DENND11: variants seen among roughly 807,000 people sequenced by gnomAD.
DENND11 encodes the protein DENN domain-containing protein 11.
A neutral mutation model predicts 49.2 loss-of-function variants in DENND11; 34 were observed. The ratio of observed to expected loss-of-function variants is 0.69; its 90% CI spans 0.53 to 0.92. The LOEUF is 0.92. Ranked by LOEUF, DENND11 falls within the 40% of genes least tolerant of loss-of-function variation. The pLI, the probability that DENND11 is intolerant of heterozygous loss-of-function variation, is 0.00. For missense variants in DENND11, 475 were observed against 581.6 expected (o/e 0.82, Z 1.88); for synonymous variants, 238 against 230.3 (o/e 1.03, Z -0.30).
At chr7:141,669,010 C>G (rs1026867100) in intron 4 of DENND11, among the ~76,000 whole-genome samples, 3 of 152,200 alleles carry the variant, frequency 2.0e-5, no homozygotes, top group Admixed American at 1.3e-4. Flanking sequence ...GTGTCCATAG[C>G]AGGCTCTGAT....
chr7:141,674,120 G>A lies in DENND11; in HGVS notation c.628C>T (p.Pro210Ser), dbSNP rs759658805. The A allele has an allele frequency of 1.3e-6, 2 of 1,598,906 alleles. No individual in the cohort carries two copies. Among genetic ancestry groups the A allele is most frequent in the Non-Finnish European group, 1.7e-6 (2 of 1,172,912 alleles). Residue 210 changes from proline (P) to serine (S), a missense_variant, in exon 4 of 9, where the codon CCC (proline) becomes TCC (serine). Transcript: ENST00000536163. Reference sequence around the variant, plus strand: ...ATGGAAGGCAGCCAGTAGACAGGGGGCAGGCTGCTGCCTCTGCCGGGACCA... The same window carrying A: ...ATGGAAGGCAGCCAGTAGACAGGGGACAGGCTGCTGCCTCTGCCGGGACCA... The part of the protein sequence containing the change: ...HAGPGRGSSL[P>S]PVYWLPSIHR...
chr7:141,664,385 A>G, intron 7 of DENND11, 145 bp from the exon 8 acceptor site: 1 of 628,990 alleles, frequency 1.6e-6, no homozygotes, highest in Non-Finnish European at 2.9e-6. Flanking sequence ...TTGGACTCAA[A>G]ATCCCTGGGG....
At chr7:141,678,479 T>G (rs1310779796) in intron 3 of DENND11, among the ~76,000 whole-genome samples, 1 of 152,182 alleles carries the variant, frequency 6.6e-6, no homozygotes, top group Non-Finnish European at 1.5e-5. Flanking sequence ...AACTTTTCAC[T>G]ATGAACATTT....
In DENND11 at chr7:141,674,304, C is replaced by T. The variant is rs1179024125; in HGVS notation, c.528-84G>A. 8 of 1,402,738 alleles carry T rather than the reference C, an allele frequency of 5.7e-6. No individual in the cohort carries two copies. The East Asian group carries it at 1.4e-4, about 25-fold the overall frequency. The allele number at this position is 1,402,738 out of a possible 1,614,324, so 86.9% of individuals were successfully genotyped here. On this transcript the variant is annotated intron_variant, in intron 3 of 8. Transcript: ENST00000536163. ...CAGCTCTGCTACCACTCCTACCCTC[C>T]GCCCACCTCAAGGGGCTGTAACACT...
chr7:141,691,287 G>A lies in DENND11; in HGVS notation c.269-4629C>T, dbSNP rs372701449. ...ATGCTGGAGCCATTGGTCAACGTGG[G>A]TCTAGGTCCCTGGATGACCCTGGAG... On this transcript the variant is annotated intron_variant, in intron 1 of 8. Transcript: ENST00000536163. Among the ~76,000 whole-genome samples, 11 of 152,324 alleles carry A rather than the reference G, an allele frequency of 7.2e-5. No homozygotes were observed. The East Asian group carries it at 7.7e-4, about 11-fold the overall frequency.
At chr7:141,686,873 C>A (rs1157262792) in intron 1 of DENND11, among the ~76,000 whole-genome samples, 8 of 152,158 alleles carry the variant, frequency 5.3e-5, no homozygotes, top group Admixed American at 5.2e-4. Flanking sequence ...CCATTTCTGC[C>A]CTCAAACACT....
At chr7:141,692,268 G>A (rs867263817) in intron 1 of DENND11, among the ~76,000 whole-genome samples, 1 of 152,076 alleles carries the variant, frequency 6.6e-6, no homozygotes, top group South Asian at 2.1e-4. Flanking sequence ...ATTATTTTGC[G>A]GATATCGACA....
chr7:141,699,912 T>TCA (rs1249743767), intron 1 of DENND11, among the ~76,000 whole-genome samples: 35 of 149,416 alleles, frequency 2.3e-4, no homozygotes, highest in African/African-American at 8.4e-4. Context: ...CTGAAAACCA[T>TCA]CACTCACACA....
chr7:141,677,459 A>C (rs1172556871), intron 3 of DENND11, among the ~76,000 whole-genome samples: 1 of 143,240 alleles, frequency 7.0e-6, no homozygotes, highest in African/African-American at 2.6e-5. Context: ...GTATTTACAT[A>C]TGTGTATATA....
At chr7:141,682,763 C>T (rs1798166350) in intron 3 of DENND11, among the ~76,000 whole-genome samples, 1 of 152,172 alleles carries the variant, frequency 6.6e-6, no homozygotes, top group African/African-American at 2.4e-5. Context: ...AATTTTGGGC[C>T]TCTGTTCTTG....
chr7:141,701,474 C>G (rs2117088632), intron 1 of DENND11: 1 of 146,278 alleles, frequency 6.8e-6, no homozygotes. Flanking sequence ...TCAGGGCGCT[C>G]GCCCGGGGGG....
intron 1 of DENND11, among the ~76,000 whole-genome samples, chr7:141,694,938 T>C (rs2117081997): frequency 6.6e-6 from 1 of 152,274 alleles, no homozygotes. Context: ...CCACCACACA[T>C]AGTAATTCAC....
intron 8 of DENND11, 162 bp from the exon 9 acceptor site, chr7:141,663,013 T>C (rs949997046): frequency 1.7e-5 from 9 of 537,456 alleles, no homozygotes; most frequent in Admixed American, 4.0e-5. Flanking sequence ...AAGTTAATTA[T>C]TCAAGTGCTA....
chr7:141,682,624 G>A (rs575201819), intron 3 of DENND11, among the ~76,000 whole-genome samples: 1 of 152,274 alleles, frequency 6.6e-6, no homozygotes, highest in East Asian at 1.9e-4. Context: ...AGGATACGGT[G>A]GAATAACAAG....
At chr7:141,678,236 T>C (rs1047883624) in intron 3 of DENND11, among the ~76,000 whole-genome samples, 5 of 152,210 alleles carry the variant, frequency 3.3e-5, no homozygotes, top group African/African-American at 9.6e-5. Context: ...GTGCTAGGAT[T>C]ACAGGCGTGA....
chr7:141,676,335 A>G (rs542018060), intron 3 of DENND11, among the ~76,000 whole-genome samples: 1 of 152,212 alleles, frequency 6.6e-6, no homozygotes, highest in Non-Finnish European at 1.5e-5. Flanking sequence ...TCTGTGTTAA[A>G]GGGGGCTGTG....
intron 1 of DENND11, among the ~76,000 whole-genome samples, chr7:141,691,389 T>C (rs1798325384): frequency 6.6e-6 from 1 of 152,218 alleles, no homozygotes; most frequent in South Asian, 2.1e-4. Context: ...CTATCTTGAT[T>C]ATGCCACTGT....
chr7:141,675,820 A>T (rs903481762), intron 3 of DENND11, among the ~76,000 whole-genome samples: 18 of 151,954 alleles, frequency 1.2e-4, no homozygotes, highest in Middle Eastern at 3.4e-3. Context: ...TCATATAATG[A>T]TTACTAATGT....
intron 3 of DENND11, among the ~76,000 whole-genome samples, chr7:141,677,086 TG>T (rs1798069191): frequency 6.6e-6 from 1 of 152,146 alleles, no homozygotes; most frequent in African/African-American, 2.4e-5. Flanking sequence ...GAATCAGAGA[TG>T]CCTTTGTGCG....
Sources: allele counts gnomAD v4.1 joint callset (sites outside exome capture counted in the v4.1 genomes callset), GRCh38; gene constraint gnomAD v4.1.1; transcripts MANE v1.5; gene names NCBI Gene and HGNC (gene_info 2026-07-23, HGNC 2026-07-21).